EYS: variants seen among roughly 807,000 people sequenced by gnomAD.
EYS encodes the protein protein eyes shut homolog.
A neutral mutation model predicts 282.1 loss-of-function variants in EYS; 250 were observed. That is an observed-to-expected ratio of 0.89 (90% CI 0.80 to 0.98). The LOEUF (loss-of-function observed/expected upper bound fraction) is 0.98, where lower values mean the gene tolerates loss of function less well. Ranked by LOEUF, EYS falls within the 50% of genes least tolerant of loss-of-function variation. The pLI is 0.00. For missense variants in EYS, 4,016 were observed against 3,709.0 expected, an observed-to-expected ratio of 1.08 and a Z score of -2.15; for synonymous variants, 1,355 against 1,282.9, an observed-to-expected ratio of 1.06 and a Z score of -1.20.
At chr6:64,255,539 T>C (rs528603591) in intron 30 of EYS, among the ~76,000 whole-genome samples, 2 of 152,176 alleles carry the variant, frequency 1.3e-5, no homozygotes, top group East Asian at 3.9e-4. Context: ...TTTAAAAAAG[T>C]TCAAGACATT....
intron 22 of EYS, among the ~76,000 whole-genome samples, chr6:64,741,792 C>T (rs1407398376): frequency 6.6e-6 from 1 of 152,132 alleles, no homozygotes; most frequent in East Asian, 1.9e-4. Context: ...CCTCTTTCAG[C>T]CTTCACAGAA....
intron 1 of EYS, among the ~76,000 whole-genome samples, chr6:65,662,935 A>C (rs1768056345): frequency 6.6e-6 from 1 of 152,204 alleles, no homozygotes; most frequent in African/African-American, 2.4e-5. Context: ...GGGATACATA[A>C]GAAAAAATGA....
intron 15 of EYS, among the ~76,000 whole-genome samples, chr6:64,923,245 G>C (rs1395108531): frequency 6.6e-6 from 1 of 152,064 alleles, no homozygotes; most frequent in Non-Finnish European, 1.5e-5. Context: ...CATGGTGGTG[G>C]CAAGAGAAAA....
intron 8 of EYS, among the ~76,000 whole-genome samples, chr6:65,357,634 G>A (rs116522541): frequency 2.6e-3 from 394 of 151,996 alleles, no homozygotes; most frequent in Middle Eastern, 6.8e-3. Flanking sequence ...TAAAACAAAT[G>A]ACAATACTTT....
intron 33 of EYS, among the ~76,000 whole-genome samples, chr6:64,004,001 A>G (rs1157093767): frequency 1.3e-5 from 2 of 152,188 alleles, no homozygotes; most frequent in Admixed American, 1.3e-4. Context: ...TATAAATTAG[A>G]CAGTCTGGGA....
In EYS at chr6:65,407,744, C is replaced by CGTGT. The variant is rs71002305; in HGVS notation, c.863-2381_863-2378dup. Reference sequence around the variant, plus strand: ...CTGCTTTCCTTTCAACTAATAAGTCCGTGTGTGTGTGTGTGTGTGTGTGTG... The same window carrying CGTGT: ...CTGCTTTCCTTTCAACTAATAAGTCCGTGTGTGTGTGTGTGTGTGTGTGTGTGTG... On this transcript the variant is annotated intron_variant, in intron 5 of 42. Transcript: ENST00000503581. Among the ~76,000 whole-genome samples the CGTGT allele has an allele frequency of 9.4e-3, 1,359 of 144,188 alleles. 25 individuals are homozygous for CGTGT. The highest frequency in any genetic ancestry group is 0.03 in the African/African-American group (1,140 of 38,440). 94.6% of individuals were successfully genotyped at this position (144,188 alleles called of 152,430 possible).
chr6:65,148,924 C>A (rs1163439414), intron 12 of EYS, among the ~76,000 whole-genome samples: 1 of 152,050 alleles, frequency 6.6e-6, no homozygotes, highest in Admixed American at 6.6e-5. Context: ...CCCCTTTTAG[C>A]CATGGTTGGA....
intron 2 of EYS, among the ~76,000 whole-genome samples, chr6:65,616,055 C>T (rs961152589): frequency 6.8e-6 from 1 of 146,930 alleles, no homozygotes; most frequent in South Asian, 2.1e-4. Context: ...AATGCATTAG[C>T]ATCAAGCATT....
intron 10 of EYS, among the ~76,000 whole-genome samples, chr6:65,338,288 A>C (rs1044099922): frequency 6.6e-6 from 1 of 151,194 alleles, no homozygotes; most frequent in African/African-American, 2.4e-5. Context: ...TTTACACATA[A>C]GAAGTCTCTC....
intron 26 of EYS, among the ~76,000 whole-genome samples, chr6:64,539,247 A>G (rs1764621889): frequency 6.6e-6 from 1 of 152,156 alleles, no homozygotes; most frequent in Admixed American, 6.5e-5. Context: ...ATTTTGTGTT[A>G]TATGTATTTT....
intron 13 of EYS, among the ~76,000 whole-genome samples, chr6:65,032,936 C>G (rs968123758): frequency 6.6e-6 from 1 of 152,118 alleles, no homozygotes; most frequent in Non-Finnish European, 1.5e-5. Flanking sequence ...ATGACATGGA[C>G]AGTGAAGCCC....
chr6:65,460,290 T>C (rs931246522), intron 5 of EYS, among the ~76,000 whole-genome samples: 1 of 151,592 alleles, frequency 6.6e-6, no homozygotes, highest in Non-Finnish European at 1.5e-5. Flanking sequence ...AAATTTCTAT[T>C]ATATATAAAA....
intron 31 of EYS, among the ~76,000 whole-genome samples, chr6:64,087,172 G>A (rs1772183710): frequency 6.6e-6 from 1 of 152,102 alleles, no homozygotes. Flanking sequence ...CATAGATATG[G>A]TTTTAGACAG....
chr6:63,833,378 A>G (rs889638883), intron 36 of EYS, among the ~76,000 whole-genome samples: 7 of 152,232 alleles, frequency 4.6e-5, no homozygotes, highest in Non-Finnish European at 1.0e-4. Context: ...GTTTCAGGAT[A>G]CAAAATCAAT....
chr6:64,766,643 AAAAAAAATATAT>A (rs1449715788), intron 22 of EYS, among the ~76,000 whole-genome samples: 9 of 10,032 alleles, frequency 9.0e-4, no homozygotes, highest in South Asian at 0.011. Flanking sequence ...AAAAAAAAAA[AAAAAAAATATAT>A]ATATATATAT....
intron 41 of EYS, among the ~76,000 whole-genome samples, chr6:63,751,657 G>C (rs1769342904): frequency 6.6e-6 from 1 of 152,154 alleles, no homozygotes. Context: ...AAAAATGAAA[G>C]CTGAGCATCT....
At chr6:65,687,103 T>C (rs1045735009) in intron 1 of EYS, among the ~76,000 whole-genome samples, 4 of 152,102 alleles carry the variant, frequency 2.6e-5, no homozygotes, top group Non-Finnish European at 5.9e-5. Flanking sequence ...ATTAGCCATA[T>C]TACTGTTCTT....
intron 22 of EYS, chr6:64,728,995 T>A (rs1374796825): frequency 6.6e-6 from 1 of 152,566 alleles, no homozygotes; most frequent in Non-Finnish European, 1.5e-5. Flanking sequence ...GTTGTCTCTT[T>A]GAAGTCAAGC....
At chr6:64,477,346 C>T (rs1434954972) in intron 26 of EYS, among the ~76,000 whole-genome samples, 1 of 151,922 alleles carries the variant, frequency 6.6e-6, no homozygotes, top group African/African-American at 2.4e-5. Context: ...ATTTAAAATC[C>T]CCTCCCCATC....
Sources: gnomAD v4.1 joint callset for allele counts (sites outside exome capture counted in the v4.1 genomes callset) on GRCh38, gnomAD v4.1.1 for gene constraint, MANE v1.5 for transcripts, NCBI Gene and HGNC (gene_info 2026-07-23, HGNC 2026-07-21) for gene names.